Variants in MAST4 observed in about 807,000 individuals in gnomAD.
MAST4 encodes microtubule-associated serine/threonine-protein kinase 4.
Under a neutral mutation model 162.7 loss-of-function variants are expected in MAST4, and 89 were observed. That is an observed-to-expected ratio of 0.55 (90% CI 0.46 to 0.65). MAST4 has a LOEUF of 0.65. Among genes scored for constraint, MAST4 ranks in the 30% least tolerant of loss-of-function variants. MAST4 has a pLI of 0.00. For synonymous variants in MAST4, 1,479 were observed against 1,361.1 expected (o/e 1.09, Z -1.91); for missense variants, 3,153 against 3,374.0 (o/e 0.93, Z 1.62).
chr5:66,707,944 A>G (rs1437628162), intron 1 of MAST4, among the ~76,000 whole-genome samples: 1 of 152,176 alleles, frequency 6.6e-6, no homozygotes, highest in Non-Finnish European at 1.5e-5. Flanking sequence ...CAGAGCCTGT[A>G]TTACCATTGA....
chr5:67,057,007 A>G (rs1758915527), intron 5 of MAST4, among the ~76,000 whole-genome samples: 1 of 152,120 alleles, frequency 6.6e-6, no homozygotes. Flanking sequence ...CGCACCCAGC[A>G]TTGTTTTTCT....
At chr5:67,149,274 C>A in intron 23 of MAST4, 115 bp from the exon 24 acceptor site, 2 of 866,128 alleles carry the variant, frequency 2.3e-6, no homozygotes, top group Non-Finnish European at 1.8e-6. Flanking sequence ...ACTTACTGGC[C>A]ACATAGGAGT....
intron 3 of MAST4, among the ~76,000 whole-genome samples, chr5:66,840,450 C>T (rs1243085006): frequency 1.3e-5 from 2 of 152,086 alleles, no homozygotes; most frequent in Non-Finnish European, 2.9e-5. Context: ...TTCTGTTTAG[C>T]AATCAAGCTA....
At chr5:66,988,601 A>T (rs1749758719) in intron 4 of MAST4, among the ~76,000 whole-genome samples, 1 of 152,230 alleles carries the variant, frequency 6.6e-6, no homozygotes, top group South Asian at 2.1e-4. Context: ...TAAGGTACTT[A>T]GAGGTTAAGT....
At chr5:67,090,402 C>T (rs1171257767) in intron 6 of MAST4, among the ~76,000 whole-genome samples, 171 bp downstream of exon 6, 1 of 90,302 alleles carries the variant, frequency 1.1e-5, no homozygotes, top group Admixed American at 1.1e-4. Context: ...CCCTTCTCCC[C>T]CTCCCCACTT....
At chr5:66,764,494 GGCCATATAT>G (rs1317700057) in intron 2 of MAST4, among the ~76,000 whole-genome samples, 1 of 152,086 alleles carries the variant, frequency 6.6e-6, no homozygotes, top group Admixed American at 6.6e-5. Context: ...GTCAGTGATG[GGCCATATAT>G]ATGACAGTGG....
In MAST4 at chr5:67,142,821, C is replaced by T. The variant is rs187293313; in HGVS notation, c.2730+288C>T. 239 of 276,064 alleles carry T rather than the reference C, an allele frequency of 8.7e-4. 2 individuals carry two copies. Among genetic ancestry groups the T allele is most frequent in the African/African-American group, 5.0e-3 (230 of 45,750 alleles). The allele number at this position is 276,064 out of a possible 1,614,324, so 17.1% of individuals were successfully genotyped here. Reference sequence around the variant, plus strand: ...CTCTGATCCCCTTCAGGAACCCCGGCACCAATATATTTCTCTCTCCACAAA... The same window carrying T: ...CTCTGATCCCCTTCAGGAACCCCGGTACCAATATATTTCTCTCTCCACAAA... On this transcript the variant is annotated intron_variant, in intron 21 of 28. Coordinates refer to ENST00000403625, the MANE Select transcript of MAST4 (RefSeq NM_001164664.2).
At chr5:66,813,909 G>GT (rs1308841112) in intron 3 of MAST4, among the ~76,000 whole-genome samples, 2 of 152,192 alleles carry the variant, frequency 1.3e-5, no homozygotes, top group African/African-American at 4.8e-5. Context: ...TTTCAGAATT[G>GT]TTTTGTTGGA....
chr5:66,769,053 TGTA>T (rs1418869657), intron 2 of MAST4, among the ~76,000 whole-genome samples: 1 of 152,014 alleles, frequency 6.6e-6, no homozygotes, highest in African/African-American at 2.4e-5. Context: ...AAGCTATAAA[TGTA>T]GTAGGATTTC....
intron 3 of MAST4, among the ~76,000 whole-genome samples, chr5:66,861,806 C>A (rs1760137066): frequency 6.6e-6 from 1 of 152,136 alleles, no homozygotes; most frequent in Non-Finnish European, 1.5e-5. Flanking sequence ...TATCCATATA[C>A]CCCACCCTAG....
intron 3 of MAST4, among the ~76,000 whole-genome samples, chr5:66,850,798 A>T (rs1031389834): frequency 1.4e-4 from 22 of 152,196 alleles, no homozygotes; most frequent in Non-Finnish European, 2.1e-4. Flanking sequence ...TACTTTTTTT[A>T]AAAAAAGGAA....
intron 1 of MAST4, among the ~76,000 whole-genome samples, chr5:66,612,196 G>A (rs1449858949): frequency 6.6e-6 from 1 of 152,180 alleles, no homozygotes; most frequent in Non-Finnish European, 1.5e-5. Context: ...TGAGGTTTAG[G>A]CTTCTTTTTT....
chr5:66,694,584 T>C (rs998051177), intron 1 of MAST4, among the ~76,000 whole-genome samples: 4 of 152,196 alleles, frequency 2.6e-5, no homozygotes, highest in Admixed American at 2.6e-4. Context: ...CCTCCCAGGT[T>C]CAAGTGATTC....
At chr5:67,116,978 G>T (rs1483977903) in intron 12 of MAST4, among the ~76,000 whole-genome samples, 1 of 152,198 alleles carries the variant, frequency 6.6e-6, no homozygotes, top group Non-Finnish European at 1.5e-5. Context: ...AGCACTGCAT[G>T]CTGTGTGAAC....
At chr5:66,783,310 T>G (rs1476345591) in intron 2 of MAST4, 1 of 152,240 alleles carries the variant, frequency 6.6e-6, no homozygotes, top group Non-Finnish European at 1.5e-5. Flanking sequence ...TTATTGAGTG[T>G]TCATTCTATA....
At chr5:66,958,932 G>A (rs180975857) in intron 4 of MAST4, 81 of 317,818 alleles carry the variant, frequency 2.5e-4, no homozygotes, top group Admixed American at 4.6e-4. Context: ...GTGAAAAGTG[G>A]GTCTGTGAGT....
intron 3 of MAST4, among the ~76,000 whole-genome samples, chr5:66,875,881 A>G (rs1469929087): frequency 6.6e-6 from 1 of 152,012 alleles, no homozygotes; most frequent in Non-Finnish European, 1.5e-5. Flanking sequence ...CATGCCTCAG[A>G]CTCCCAGGTA....
At chr5:67,078,931 T>TATAA (rs1762240419) in intron 5 of MAST4, among the ~76,000 whole-genome samples, 1 of 71,322 alleles carries the variant, frequency 1.4e-5, no homozygotes, top group South Asian at 4.4e-4. Context: ...TATATATATA[T>TATAA]ATATATATAT....
chr5:66,992,121 C>A (rs1326065929), intron 4 of MAST4, among the ~76,000 whole-genome samples: 3 of 152,148 alleles, frequency 2.0e-5, no homozygotes, highest in Non-Finnish European at 4.4e-5. Flanking sequence ...GCCTGCAAAT[C>A]TTTTTCTGTA....
Sources: gnomAD v4.1 joint callset for allele counts (sites outside exome capture counted in the v4.1 genomes callset) on GRCh38, gnomAD v4.1.1 for gene constraint, MANE v1.5 for transcripts, NCBI Gene and HGNC (gene_info 2026-07-23, HGNC 2026-07-21) for gene names.